Variants in ELMO2 observed in about 807,000 individuals in gnomAD.
The protein encoded by ELMO2 is engulfment and cell motility protein 2.
ELMO2 carries 37 observed loss-of-function variants against 96.2 expected under a neutral mutation model. That is an observed-to-expected ratio of 0.38 (90% confidence interval 0.30 to 0.51). The LOEUF (loss-of-function observed/expected upper bound fraction) is 0.51, where lower values mean the gene tolerates loss of function less well. ELMO2 is among the 20% of genes least tolerant of loss of function. The probability of loss-of-function intolerance (pLI) is 0.88; values close to 1 mark genes in which losing one functional copy is unlikely to be tolerated. For synonymous variants in ELMO2, 315 were observed against 329.4 expected (o/e 0.96, Z 0.47); for missense variants, 561 against 912.6 (o/e 0.61, Z 4.96).
rs1442483526 is a variant in ELMO2 at position 46,367,468 on chromosome 20, C to T, written c.2055G>A (p.Met685Ile). ...TKSDLDTLLS[M>I]EMKLRLLDLE... ...GGTCCAGGAGCCGCAGCTTCATCTC[C>T]ATGCTCAGCAGGGTGTCCAGGTCAC... is the stretch of plus-strand genomic sequence containing the variant. Residue 685 changes from methionine to isoleucine, a missense_variant, in exon 22 of 22, where the codon ATG becomes ATA. Met to Ile is a conservative substitution (Grantham distance 10, BLOSUM62 1). Transcript: ENST00000290246. The T allele has an allele frequency of 6.2e-7, 1 of 1,613,760 alleles. No individual in the cohort carries two copies. Among genetic ancestry groups the T allele is most frequent in the East Asian group, 2.2e-5 (1 of 44,832 alleles).
At chr20:46,389,748 C>T (rs1048616496) in intron 6 of ELMO2, among the ~76,000 whole-genome samples, 4 of 152,124 alleles carry the variant, frequency 2.6e-5, no homozygotes, top group African/African-American at 4.8e-5. Context: ...ACTCAGGAGG[C>T]TGAGGTGGGA....
intron 10 of ELMO2, among the ~76,000 whole-genome samples, chr20:46,380,598 G>A (rs143417925): frequency 6.6e-6 from 1 of 152,158 alleles, no homozygotes; most frequent in African/African-American, 2.4e-5. Flanking sequence ...AAGATGAGAC[G>A]CTTGTGTCAC....
At chr20:46,386,986 T>A (rs2060056326) in intron 8 of ELMO2, among the ~76,000 whole-genome samples, 3 of 152,160 alleles carry the variant, frequency 2.0e-5, no homozygotes, top group East Asian at 3.9e-4. Flanking sequence ...GAAATGCAAA[T>A]TTTTTTTATA....
At position 46,397,848 on chromosome 20, in the gene ELMO2, A is replaced by C. The variant is rs532100217; in HGVS notation, c.-51+849T>G. On this transcript the variant is annotated intron_variant, in intron 2 of 21. Transcript: ENST00000290246. ...TAAAAAACCAAGAGCCTTTCAGAGG[A>C]AGTGATTCTGCAGGAGGAATCCATA... Among the ~76,000 whole-genome samples the C allele has an allele frequency of 7.2e-5, 11 of 152,338 alleles. No homozygotes were observed. The South Asian group carries it at 8.3e-4, about 11-fold the overall frequency.
chr20:46,389,605 C>T (rs2060115173), intron 6 of ELMO2, among the ~76,000 whole-genome samples: 1 of 152,138 alleles, frequency 6.6e-6, no homozygotes. Flanking sequence ...AATCCCAAGG[C>T]TTTGAAAGGC....
rs770618795 is a variant in ELMO2, at chr20:46,389,127, C to T, written c.337G>A (p.Asp113Asn). The T allele has an allele frequency of 9.3e-6, 15 of 1,614,062 alleles. No homozygotes were observed. Among genetic ancestry groups the T allele is most frequent in the Admixed American group, 5.0e-5 (3 of 60,010 alleles). The part of the protein sequence containing the change: ...AMKELAKLSA[D>N]VTFATEFINM... ...ATGAACTCAGTAGCGAAAGTCACGT[C>T]GGCAGAGAGCTTGGCCAGCTCCTTC... The change falls in exon 7 of 22, where the codon GAC (aspartate) becomes AAC (asparagine). Residue 113 changes from aspartate (D) to asparagine (N), a missense_variant. Coordinates refer to ENST00000290246, the MANE Select transcript of ELMO2 (RefSeq NM_133171.5).
At chr20:46,370,120 A>G in intron 20 of ELMO2, 1 of 440,910 alleles carries the variant, frequency 2.3e-6, no homozygotes, top group Non-Finnish European at 4.3e-6. Context: ...ATTTCCTGTT[A>G]TGTGTGCTAA....
Position 46,395,270 on chromosome 20 carries a change from T to A in ELMO2, c.-50-738A>T, listed in dbSNP as rs117603538. Among the ~76,000 whole-genome samples, 1,030 of 152,180 alleles carry A rather than the reference T, an allele frequency of 6.8e-3. 5 individuals are homozygous for A. The highest frequency in any genetic ancestry group is 0.012 in the Non-Finnish European group (783 of 68,018). On this transcript the variant is annotated intron_variant, in intron 2 of 21. Coordinates refer to ENST00000290246, the MANE Select transcript of ELMO2 (RefSeq NM_133171.5). ...TCTCTCCAAAATAAAGGAAAATAAA[T>A]CATCCTGAGCAAGTCTGGAAGATGG...
Position 46,371,906 on chromosome 20 carries a change from G to C in ELMO2, c.1480C>G (p.Gln494Glu), listed in dbSNP as rs1255685308. 6.2e-7 allele frequency: 1 copy of C among 1,614,072 alleles called. No homozygotes were observed. Among genetic ancestry groups the C allele is most frequent in the Non-Finnish European group, 8.5e-7 (1 of 1,180,046 alleles). ...ALPSKPNSLD[Q>E]FKSKLRSLSY... ...AGGCTACGCAATTTGCTCTTGAACTGATCCAAAGAGTTGGGTTTGGAGGGC... is the reference window on the plus strand; with the variant it reads ...AGGCTACGCAATTTGCTCTTGAACTCATCCAAAGAGTTGGGTTTGGAGGGC... The change falls in exon 17 of 22, where the codon CAG becomes GAG. Residue 494 changes from glutamine (Q) to glutamate (E), a missense_variant. Physicochemically the swap from Gln to Glu is conservative, Grantham distance 29. Coordinates refer to ENST00000290246, the MANE Select transcript of ELMO2 (RefSeq NM_133171.5). The surrounding 1 kb of genome is among the most constrained non-coding windows in gnomAD (Gnocchi z 5.9).
chr20:46,371,699 G>A lies in ELMO2; in HGVS notation c.1581-8C>T, dbSNP rs570435889. ...ATCTTCTCCCTCAGCTCCCTGGGGTGGACACACACTGGAGTGAGCGGAAGG... is the reference window on the plus strand; with the variant it reads ...ATCTTCTCCCTCAGCTCCCTGGGGTAGACACACACTGGAGTGAGCGGAAGG... On this transcript the variant is annotated splice_polypyrimidine_tract_variant and splice_region_variant and intron_variant, in intron 17 of 21. Coordinates refer to ENST00000290246, the MANE Select transcript of ELMO2 (RefSeq NM_133171.5). The surrounding 1 kb of genome is among the most constrained non-coding windows in gnomAD (Gnocchi z 5.9). The A allele has an allele frequency of 1.2e-5, 19 of 1,613,732 alleles. No individual in the cohort carries two copies. Among genetic ancestry groups the A allele is most frequent in the Non-Finnish European group, 1.5e-5 (18 of 1,179,998 alleles).
intron 1 of ELMO2, among the ~76,000 whole-genome samples, chr20:46,405,154 G>A (rs1048702626): frequency 6.6e-6 from 1 of 152,186 alleles, no homozygotes; most frequent in Non-Finnish European, 1.5e-5. Context: ...CTGGTGGGAT[G>A]GACAGAGAAA....
Position 46,366,103 on chromosome 20 carries a change from GGCT to G in ELMO2, c.*1254_*1256del, listed in dbSNP as rs2059581179. 6.6e-6 allele frequency: 1 copy of G among 152,570 alleles called. No homozygotes were observed. The highest frequency in any genetic ancestry group is 6.5e-5 in the Admixed American group (1 of 15,282). The allele number at this position is 152,570 out of a possible 1,614,324, so 9.5% of individuals were successfully genotyped here. ...ACATGGTTACTGACAGGAAGCTCCT[GGCT>G]GCTCTCTGGTTACAATCTTGGCTCA... On this transcript the variant is annotated 3_prime_UTR_variant, in exon 22 of 22. Transcript: ENST00000290246.
At chr20:46,368,375 C>T (rs1231757844) in intron 21 of ELMO2, among the ~76,000 whole-genome samples, 1 of 152,116 alleles carries the variant, frequency 6.6e-6, no homozygotes, top group Non-Finnish European at 1.5e-5. Flanking sequence ...CCAGTTCCAT[C>T]TGGCTTCAAA....
At chr20:46,392,985 A>T in intron 6 of ELMO2, 108 bp downstream of exon 6, 1 of 988,562 alleles carries the variant, frequency 1.0e-6, no homozygotes, top group Non-Finnish European at 1.6e-6. Flanking sequence ...AAAAAGACTG[A>T]CTTTCTTATC....
chr20:46,386,170 T>C lies in ELMO2; in HGVS notation c.631A>G (p.Ile211Val), dbSNP rs2145816612. The C allele has an allele frequency of 1.9e-6, 3 of 1,614,170 alleles. No homozygotes were observed. Among genetic ancestry groups the C allele is most frequent in the Non-Finnish European group, 2.5e-6 (3 of 1,180,022 alleles). The change falls in exon 9 of 22, where the codon ATA (isoleucine) becomes GTA (valine). Residue 211 changes from isoleucine to valine, a missense_variant. Physicochemically the swap from Ile to Val is conservative, Grantham distance 29. Coordinates refer to ENST00000290246, the MANE Select transcript of ELMO2 (RefSeq NM_133171.5). ...TGTCCCACGGTGATTTCCTCGGCTA[T>C]CTTCTGGTACAGACTCTGGCTGTTC... ...VLNSQSLYQKIAEEITVGQLI... is the reference protein window; with the variant it reads ...VLNSQSLYQKVAEEITVGQLI...
chr20:46,372,037 C>A (rs2059727748), intron 16 of ELMO2, 68 bp from the exon 17 acceptor site: 1 of 1,592,664 alleles, frequency 6.3e-7, no homozygotes, highest in Non-Finnish European at 8.6e-7. Context: ...TATTATGGAG[C>A]ACCAAGGCTC....
intron 16 of ELMO2, 93 bp from the exon 17 acceptor site, chr20:46,372,062 G>T: frequency 6.6e-7 from 1 of 1,526,580 alleles, no homozygotes; most frequent in Non-Finnish European, 8.9e-7. Context: ...CTGCCCCAGG[G>T]TCTTGAGCAG....
At position 46,371,257 on chromosome 20, in the gene ELMO2, C is replaced by T; in HGVS notation, c.1801+95G>A. 7.9e-7 allele frequency: 1 copy of T among 1,260,246 alleles called. No individual in the cohort carries two copies. The highest frequency in any genetic ancestry group is 1.5e-5 in the African/African-American group (1 of 68,052). The allele number at this position is 1,260,246 out of a possible 1,614,324, so 78.1% of individuals were successfully genotyped here. A position where few individuals can be genotyped will look rare whatever the true frequency, so the allele number is the denominator to read the frequency against. ...AACAGGTCCAGAGAGGTAACAGGTA[C>T]AAGCCCAGATGATCAGCTACAAACA... On this transcript the variant is annotated intron_variant, in intron 19 of 21. Transcript: ENST00000290246. This position sits in a 1 kb window ranked among gnomAD's most constrained non-coding sequence, Gnocchi z 5.9.
intron 1 of ELMO2, among the ~76,000 whole-genome samples, chr20:46,405,323 A>C (rs1206319732): frequency 6.6e-6 from 1 of 152,208 alleles, no homozygotes; most frequent in Non-Finnish European, 1.5e-5. Context: ...AAGGATGAAG[A>C]AGAGTTTACA....
Sources: allele counts gnomAD v4.1 joint callset (sites outside exome capture counted in the v4.1 genomes callset), GRCh38; gene constraint gnomAD v4.1.1; non-coding constraint Gnocchi (gnomAD v3.1); transcripts MANE v1.5; gene names NCBI Gene and HGNC (gene_info 2026-07-23, HGNC 2026-07-21).